C9orf152: variants seen among roughly 807,000 people sequenced by gnomAD.
C9orf152 encodes the protein chromosome 9 open reading frame 152, also known as uncharacterized protein C9orf152.
C9orf152 carries 8 observed loss-of-function variants against 8.5 expected under a neutral mutation model. That is an observed-to-expected ratio of 0.94 (90% CI 0.55 to 1.70). The LOEUF (loss-of-function observed/expected upper bound fraction) is 1.70, where lower values mean the gene tolerates loss of function less well. Ranked by LOEUF, C9orf152 falls within the 40% of genes most tolerant of loss-of-function variation. The probability of loss-of-function intolerance (pLI) is 0.00; values close to 1 mark genes in which losing one functional copy is unlikely to be tolerated. For synonymous variants in C9orf152, 109 were observed against 113.0 expected (o/e 0.96, Z 0.22); for missense variants, 293 against 286.2 (o/e 1.02, Z -0.17).
chr9:110,207,861 A>G lies in C9orf152; in HGVS notation c.-282T>C. Reference sequence around the variant, plus strand: ...GAAAGAAGGGGCAGCGAAGGGGGAAAGACTGGAGGAAGGAGGTGATAGTGA... The same window carrying G: ...GAAAGAAGGGGCAGCGAAGGGGGAAGGACTGGAGGAAGGAGGTGATAGTGA... On this transcript the variant is annotated 5_prime_UTR_variant, in exon 1 of 2. Transcript: ENST00000400613. 1 of 392,970 alleles carries G rather than the reference A, an allele frequency of 2.5e-6. No individual in the cohort carries two copies. Among genetic ancestry groups the G allele is most frequent in the Non-Finnish European group, 4.5e-6 (1 of 221,288 alleles). The allele number at this position is 392,970 out of a possible 1,614,324, so 24.3% of individuals were successfully genotyped here. A position where few individuals can be genotyped will look rare whatever the true frequency, so the allele number is the denominator to read the frequency against.
intron 1 of C9orf152, among the ~76,000 whole-genome samples, chr9:110,205,257 C>A (rs913971400): frequency 1.3e-5 from 2 of 152,174 alleles, no homozygotes; most frequent in African/African-American, 2.4e-5. Flanking sequence ...TCATCTCTCT[C>A]TACAAAAAGC....
rs2118496619 is a variant in C9orf152, at chr9:110,200,799, A to G, written c.*149T>C. The G allele has an allele frequency of 1.2e-6, 1 of 803,606 alleles. No individual in the cohort carries two copies. Among genetic ancestry groups the G allele is most frequent in the East Asian group, 2.5e-5 (1 of 39,760 alleles). The allele number at this position is 803,606 out of a possible 1,614,324, so 49.8% of individuals were successfully genotyped here. ...ATTGGAAGGGTAAAACCATGTTACCATTGTGAAGTTCGTCTCCCACAATTC... is the reference window on the plus strand; with the variant it reads ...ATTGGAAGGGTAAAACCATGTTACCGTTGTGAAGTTCGTCTCCCACAATTC... On this transcript the variant is annotated 3_prime_UTR_variant, in exon 2 of 2. Transcript: ENST00000400613.
rs771202600 is a variant in C9orf152 at position 110,201,054 on chromosome 9, T to C, written c.614A>G (p.Lys205Arg). Reference protein sequence around the residue: ...KFSTQCPLSIKNPHRSGKPAY... With the variant: ...KFSTQCPLSIRNPHRSGKPAY... ...TGGTTTGCCAGACCTGTGTGGGTTCTTTATGGAAAGAGGACATTGAGTGCT... is the reference window on the plus strand; with the variant it reads ...TGGTTTGCCAGACCTGTGTGGGTTCCTTATGGAAAGAGGACATTGAGTGCT... The change falls in exon 2 of 2, where the codon AAG becomes AGG. Residue 205 changes from lysine to arginine, a missense_variant. Physicochemically the swap from Lys to Arg is conservative, Grantham distance 26. Coordinates refer to ENST00000400613, the MANE Select transcript of C9orf152 (RefSeq NM_001012993.3). The C allele has an allele frequency of 2.5e-6, 4 of 1,614,122 alleles. No individual in the cohort carries two copies. The highest frequency in any genetic ancestry group is 1.3e-5 in the African/African-American group (1 of 74,932).
chr9:110,207,364 C>T (rs1322418408), intron 1 of C9orf152, 23 bp downstream of exon 1: 1 of 1,605,698 alleles, frequency 6.2e-7, no homozygotes, highest in African/African-American at 1.3e-5. Flanking sequence ...GTCTCTCCTT[C>T]CCCAGCACCT....
chr9:110,203,048 T>A lies in C9orf152; in HGVS notation c.194-1574A>T, dbSNP rs572356722. 4.9e-3 allele frequency among the ~76,000 whole-genome samples: 699 copies of A among 142,906 alleles called. 7 individuals are homozygous for A. The highest frequency in any genetic ancestry group is 0.018 in the African/African-American group (674 of 37,660). The allele number at this position is 142,906 out of a possible 152,430, so 93.8% of individuals were successfully genotyped here. ...TTTTTTTTTTGAGATGGAGTCTTGC[T>A]CTGTCACCCAGGCTGGAGTGCAATG... On this transcript the variant is annotated intron_variant, in intron 1 of 1. Transcript: ENST00000400613.
intron 1 of C9orf152, among the ~76,000 whole-genome samples, chr9:110,206,346 A>G (rs1230416223): frequency 6.6e-6 from 1 of 152,204 alleles, no homozygotes; most frequent in African/African-American, 2.4e-5. Flanking sequence ...CAGGTGTATT[A>G]AGCATTGTGT....
chr9:110,205,793 GGTTC>G (rs1837267660), intron 1 of C9orf152, among the ~76,000 whole-genome samples: 1 of 152,096 alleles, frequency 6.6e-6, no homozygotes, highest in African/African-American at 2.4e-5. Context: ...CAAGTATGGT[GGTTC>G]ACGCCCAGCA....
Position 110,200,986 on chromosome 9 carries a change from G to T in C9orf152, c.682C>A (p.Gln228Lys), listed in dbSNP as rs778238561. Residue 228 changes from glutamine (Q) to lysine (K), a missense_variant, in exon 2 of 2, where the codon CAA (glutamine) becomes AAA (lysine). Transcript: ENST00000400613. ...TATAAGCCCAGGTTCCGGGCAGCTT[G>T]GGAGATCCTGGGTGTTTTCCTCTGG... The part of the protein sequence containing the change: ...FPQRKTPRIS[Q>K]AARNLGLYGS... 1.2e-6 allele frequency: 2 copies of T among 1,613,632 alleles called. No individual in the cohort carries two copies. The highest frequency in any genetic ancestry group is 1.7e-6 in the Non-Finnish European group (2 of 1,179,846).
Position 110,199,724 on chromosome 9 carries a change from G to A in C9orf152, c.*1224C>T, listed in dbSNP as rs1428229039. 3 of 152,138 alleles carry A rather than the reference G, an allele frequency of 2.0e-5. No individual in the cohort carries two copies. The highest frequency in any genetic ancestry group is 4.4e-5 in the Non-Finnish European group (3 of 68,028). The allele number at this position is 152,138 out of a possible 1,614,324, so 9.4% of individuals were successfully genotyped here. A position where few individuals can be genotyped will look rare whatever the true frequency, so the allele number is the denominator to read the frequency against. On this transcript the variant is annotated 3_prime_UTR_variant, in exon 2 of 2. Transcript: ENST00000400613. ...CAGGTAATGACACTACTAGTTAACAGCTCTGGATGTAGATGGGCAAGACTG... is the reference window on the plus strand; with the variant it reads ...CAGGTAATGACACTACTAGTTAACAACTCTGGATGTAGATGGGCAAGACTG...
At chr9:110,205,003 ATC>A (rs1463143515) in intron 1 of C9orf152, among the ~76,000 whole-genome samples, 20 of 152,054 alleles carry the variant, frequency 1.3e-4, no homozygotes, top group African/African-American at 4.8e-4. Context: ...TGCTCTCTCC[ATC>A]TTCCCTGGCT....
Position 110,201,053 on chromosome 9 carries a change from CT to C in C9orf152, c.614del (p.Lys205ArgfsTer73). ...KFSTQCPLSI[K>X]NPHRSGKPAY... ...CTGGTTTGCCAGACCTGTGTGGGTT[CT>C]TTATGGAAAGAGGACATTGAGTGCT... On this transcript the variant is annotated frameshift_variant, in exon 2 of 2. Transcript: ENST00000400613. LOFTEE classifies it high-confidence loss of function. 1 of 1,614,196 alleles carries C rather than the reference CT, an allele frequency of 6.2e-7. No individual in the cohort carries two copies. The highest frequency in any genetic ancestry group is 8.5e-7 in the Non-Finnish European group (1 of 1,180,042).
In C9orf152 at chr9:110,207,496, A is replaced by C; in HGVS notation, c.84T>G (p.Thr28=). The change falls in exon 1 of 2, where the codon ACT becomes ACG. Residue 28 remains threonine (T), a synonymous_variant. Transcript: ENST00000400613. ...GTGGGGGCCCTTTCCCAGGGGCCTG[A>C]GTCCTGGAGCCCTCAGCCATTAAGT... ...RSHLMAEGSR[T]QAPGKGPPLS... is the part of the protein sequence containing the mutation. The C allele has an allele frequency of 6.2e-7, 1 of 1,613,196 alleles. No individual in the cohort carries two copies.
At chr9:110,205,505 TC>T (rs1837264153) in intron 1 of C9orf152, among the ~76,000 whole-genome samples, 1 of 152,234 alleles carries the variant, frequency 6.6e-6, no homozygotes, top group South Asian at 2.1e-4. Context: ...CGTGATCTTG[TC>T]CTCAGCCAGT....
Position 110,200,811 on chromosome 9 carries a change from G to T in C9orf152, c.*137C>A. On this transcript the variant is annotated 3_prime_UTR_variant, in exon 2 of 2. Coordinates refer to ENST00000400613, the MANE Select transcript of C9orf152 (RefSeq NM_001012993.3). The stretch of plus-strand genomic sequence containing the variant: ...AAACCATGTTACCATTGTGAAGTTC[G>T]TCTCCCACAATTCCTATAATTAGGT... The T allele has an allele frequency of 1.1e-6, 1 of 877,732 alleles. No individual in the cohort carries two copies. The highest frequency in any genetic ancestry group is 1.8e-6 in the Non-Finnish European group (1 of 569,354). The allele number at this position is 877,732 out of a possible 1,614,324, so 54.4% of individuals were successfully genotyped here. A position where few individuals can be genotyped will look rare whatever the true frequency, so the allele number is the denominator to read the frequency against.
rs59664011 is a variant in C9orf152, at chr9:110,200,211, A to AGAAGGAAGGAAGGAAG, written c.*721_*736dup. 14 of 137,080 alleles carry AGAAGGAAGGAAGGAAG rather than the reference A, an allele frequency of 1.0e-4. No homozygotes were observed. The South Asian group carries it at 3.1e-3, about 31-fold the overall frequency. 8.5% of individuals were successfully genotyped at this position (137,080 alleles called of 1,614,324 possible). A position where few individuals can be genotyped will look rare whatever the true frequency, so the allele number is the denominator to read the frequency against. ...GGAAGGGAGGGAGGGAGGGAGAGAC[A>AGAAGGAAGGAAGGAAG]GAAGGAAGGAAGGAAGGAAGGAAGG... On this transcript the variant is annotated 3_prime_UTR_variant, in exon 2 of 2. Transcript: ENST00000400613.
rs72757030 is a variant in C9orf152, at chr9:110,200,178, A to G, written c.*770T>C. 13 of 87,372 alleles carry G rather than the reference A, an allele frequency of 1.5e-4. No homozygotes were observed. The highest frequency in any genetic ancestry group is 3.0e-4 in the Non-Finnish European group (11 of 36,584). 5.4% of individuals were successfully genotyped at this position (87,372 alleles called of 1,614,324 possible). On this transcript the variant is annotated 3_prime_UTR_variant, in exon 2 of 2. Transcript: ENST00000400613. ...AGGAAGAGAGGAAAGAAAGAAGGAA[A>G]GAAGGGAGGAAGGGAGGGAGGGAGG...
chr9:110,199,839 T>C lies in C9orf152; in HGVS notation c.*1109A>G, dbSNP rs1340035581. The C allele has an allele frequency of 1.3e-5, 2 of 152,164 alleles. No individual in the cohort carries two copies. The highest frequency in any genetic ancestry group is 1.3e-4 in the Admixed American group (2 of 15,272). The allele number at this position is 152,164 out of a possible 1,614,324, so 9.4% of individuals were successfully genotyped here. ...GAAAGGCACCTTAGGTGTGTTTAAATAGCATTACAAAAGCTAAACATTAAC... is the reference window on the plus strand; with the variant it reads ...GAAAGGCACCTTAGGTGTGTTTAAACAGCATTACAAAAGCTAAACATTAAC... On this transcript the variant is annotated 3_prime_UTR_variant, in exon 2 of 2. Coordinates refer to ENST00000400613, the MANE Select transcript of C9orf152 (RefSeq NM_001012993.3).
At chr9:110,201,605 C>T in intron 1 of C9orf152, 131 bp from the exon 2 acceptor site, 1 of 609,254 alleles carries the variant, frequency 1.6e-6, no homozygotes, top group South Asian at 3.2e-5. Context: ...CATGTGTGTA[C>T]ATGTGTACAC....
At chr9:110,204,014 G>C (rs1837248775) in intron 1 of C9orf152, among the ~76,000 whole-genome samples, 1 of 152,156 alleles carries the variant, frequency 6.6e-6, no homozygotes. Context: ...GACTCACTAG[G>C]AGACCCTAGG....
Sources: gnomAD v4.1 joint callset for allele counts (sites outside exome capture counted in the v4.1 genomes callset) on GRCh38, gnomAD v4.1.1 for gene constraint, MANE v1.5 for transcripts, NCBI Gene and HGNC (gene_info 2026-07-23, HGNC 2026-07-21) for gene names.